The following MLIP variants were observed in gnomAD, a reference collection of about 807,000 sequenced individuals.
The protein encoded by MLIP is muscular LMNA interacting protein.
A neutral mutation model predicts 84.8 loss-of-function variants in MLIP; 79 were observed. That is an observed-to-expected ratio of 0.93 (90% CI 0.78 to 1.12). The LOEUF (loss-of-function observed/expected upper bound fraction) is 1.12. Ranked by LOEUF, MLIP falls within the 50% of genes most tolerant of loss-of-function variation. MLIP has a pLI of 0.00. For synonymous variants in MLIP, 504 were observed against 463.0 expected (o/e 1.09, Z -1.14); for missense variants, 1,257 against 1,160.6 (o/e 1.08, Z -1.21).
In MLIP at chr6:54,121,640, T is replaced by G. The variant is rs566668859; in HGVS notation, c.252+38T>G. 2.0e-5 allele frequency: 29 copies of G among 1,443,596 alleles called. No individual in the cohort carries two copies. In the East Asian group the frequency reaches 7.0e-4, roughly 35 times the overall value. The allele number at this position is 1,443,596 out of a possible 1,614,324, so 89.4% of individuals were successfully genotyped here. On this transcript the variant is annotated intron_variant, in intron 2 of 13. Transcript: ENST00000502396. ...TTATTCTTTTTTAATTTCAAACAAT[T>G]ATATTAAATTTTGATAATGATGACT...
chr6:54,238,991 G>T (rs540175612), intron 12 of MLIP, among the ~76,000 whole-genome samples: 2 of 152,246 alleles, frequency 1.3e-5, no homozygotes, highest in East Asian at 3.9e-4. Context: ...TTCTTCACAT[G>T]TACTATGGAT....
At chr6:54,185,836 A>G (rs1777337660) in intron 9 of MLIP, among the ~76,000 whole-genome samples, 1 of 152,222 alleles carries the variant, frequency 6.6e-6, no homozygotes, top group Admixed American at 6.5e-5. Context: ...ATTATTACCT[A>G]TATTCCATTA....
At chr6:54,192,682 G>A (rs1778031737) in intron 10 of MLIP, among the ~76,000 whole-genome samples, 1 of 151,744 alleles carries the variant, frequency 6.6e-6, no homozygotes, top group Non-Finnish European at 1.5e-5. Flanking sequence ...TGACATATGA[G>A]GTAATTCTGA....
rs1771927786 is a variant in MLIP at position 54,137,586 on chromosome 6, C to G, written c.1517C>G (p.Pro506Arg). The change falls in exon 4 of 14, where the codon CCC becomes CGC. Residue 506 changes from proline (P) to arginine (R), a missense_variant. Pro to Arg is a moderately radical substitution (Grantham distance 103). Transcript: ENST00000502396. ...AAGTCTACTCCGCTTTCTCAGGCGCCCTCCCTCTCTCCTACAAAACAGGCT... is the reference window on the plus strand; with the variant it reads ...AAGTCTACTCCGCTTTCTCAGGCGCGCTCCCTCTCTCCTACAAAACAGGCT... ...FTKSTPLSQA[P>R]SLSPTKQASS... 5.2e-6 allele frequency: 8 copies of G among 1,536,104 alleles called. No homozygotes were observed. Among genetic ancestry groups the G allele is most frequent in the Non-Finnish European group, 7.0e-6 (8 of 1,146,906 alleles).
In MLIP at chr6:54,209,842, G is replaced by A. The variant is rs1178757889; in HGVS notation, c.2718+7609G>A. ...ACTAAAACTTAGAGATACAGACACT[G>A]TACTTACTTTTTAAGAATTAGAGAC... On this transcript the variant is annotated intron_variant, in intron 11 of 13. Coordinates refer to ENST00000502396, the MANE Select transcript of MLIP (RefSeq NM_001281747.2). Among the ~76,000 whole-genome samples, 4 of 151,590 alleles carry A rather than the reference G, an allele frequency of 2.6e-5. No homozygotes were observed. In the East Asian group the frequency reaches 7.7e-4, roughly 29 times the overall value.
At chr6:54,181,615 A>C (rs1776877867) in intron 9 of MLIP, among the ~76,000 whole-genome samples, 6 of 152,190 alleles carry the variant, frequency 3.9e-5, no homozygotes. Context: ...CACAGCTGAG[A>C]ACGTGATGGG....
At chr6:54,171,084 T>C (rs551676937) in intron 9 of MLIP, among the ~76,000 whole-genome samples, 3 of 151,570 alleles carry the variant, frequency 2.0e-5, no homozygotes, top group Non-Finnish European at 3.0e-5. Flanking sequence ...GTTCAAAGGG[T>C]TGATGTCATT....
chr6:54,216,167 G>A (rs893357681), intron 11 of MLIP: 204 of 985,136 alleles, frequency 2.1e-4, no homozygotes, highest in Non-Finnish European at 2.3e-4. Context: ...AGACTTAAAT[G>A]TTTCTTGTTA....
intron 12 of MLIP, among the ~76,000 whole-genome samples, chr6:54,246,911 T>C (rs1445970915): frequency 2.6e-5 from 4 of 152,150 alleles, no homozygotes; most frequent in African/African-American, 9.6e-5. Context: ...TTTCTCTCTT[T>C]TTCATAGTAA....
intron 11 of MLIP, 119 bp from the exon 12 acceptor site, chr6:54,230,595 G>A (rs1442546613): frequency 4.8e-6 from 4 of 832,124 alleles, no homozygotes; most frequent in Middle Eastern, 2.4e-4. Context: ...CATCTCATGA[G>A]GAGAGGTTGT....
At chr6:54,138,934 C>T (rs1772061664) in intron 4 of MLIP, among the ~76,000 whole-genome samples, 1 of 152,110 alleles carries the variant, frequency 6.6e-6, no homozygotes, top group South Asian at 2.1e-4. Context: ...TTCAGCTCAG[C>T]ACATTGAAAT....
chr6:54,091,600 C>A (rs1183948659), intron 1 of MLIP, among the ~76,000 whole-genome samples: 1 of 152,126 alleles, frequency 6.6e-6, no homozygotes, highest in Non-Finnish European at 1.5e-5. Flanking sequence ...AGAAAAATCA[C>A]TGAGTTCCTA....
chr6:54,095,323 C>T (rs750149271), intron 1 of MLIP, among the ~76,000 whole-genome samples: 27 of 152,138 alleles, frequency 1.8e-4, no homozygotes, highest in Non-Finnish European at 3.5e-4. Flanking sequence ...CTTTTGCTCC[C>T]TCTACTCAGA....
intron 4 of MLIP, among the ~76,000 whole-genome samples, chr6:54,139,305 A>G (rs1772096329): frequency 1.3e-5 from 2 of 152,234 alleles, no homozygotes; most frequent in Non-Finnish European, 2.9e-5. Flanking sequence ...AAGTCAGATT[A>G]TAAATAATCA....
At chr6:54,203,494 T>C (rs1288371109) in intron 11 of MLIP, 1 of 152,184 alleles carries the variant, frequency 6.6e-6, no homozygotes. Flanking sequence ...TATTTATATT[T>C]ATAAAACATA....
chr6:54,090,260 A>G (rs1319079887), intron 1 of MLIP, among the ~76,000 whole-genome samples: 1 of 152,152 alleles, frequency 6.6e-6, no homozygotes, highest in Admixed American at 6.6e-5. Context: ...CTTCCAGCAG[A>G]AAATGCCCAG....
intron 8 of MLIP, among the ~76,000 whole-genome samples, chr6:54,162,226 G>A (rs1269865249): frequency 6.6e-6 from 1 of 151,970 alleles, no homozygotes; most frequent in Non-Finnish European, 1.5e-5. Context: ...CCCAAAGATG[G>A]AAAAGAACCA....
At chr6:54,057,964 G>GCA (rs1765757421) in intron 1 of MLIP, 1 of 152,160 alleles carries the variant, frequency 6.6e-6, no homozygotes, top group Non-Finnish European at 1.5e-5. Context: ...AATACACCAT[G>GCA]TTGACTTGCA....
intron 12 of MLIP, among the ~76,000 whole-genome samples, chr6:54,234,468 T>A (rs568447733): frequency 9.2e-5 from 14 of 152,266 alleles, no homozygotes; most frequent in African/African-American, 3.4e-4. Context: ...ATTCCTCCCC[T>A]TTGTATGCAG....
Sources: gnomAD v4.1 joint callset for allele counts (sites outside exome capture counted in the v4.1 genomes callset) on GRCh38, gnomAD v4.1.1 for gene constraint, MANE v1.5 for transcripts, NCBI Gene and HGNC (gene_info 2026-07-23, HGNC 2026-07-21) for gene names.